The following ZNF425 variants were observed in gnomAD, a reference collection of about 807,000 sequenced individuals.
ZNF425 encodes the protein zinc finger protein 425.
Under a neutral mutation model 17.0 loss-of-function variants are expected in ZNF425, and 21 were observed. That is an observed-to-expected ratio of 1.23 (90% CI 0.88 to 1.78). The LOEUF (loss-of-function observed/expected upper bound fraction) is 1.78. Among genes scored for constraint, ZNF425 ranks in the 40% most tolerant of loss-of-function variants. The pLI, the probability that ZNF425 is intolerant of heterozygous loss-of-function variation, is 0.00. For synonymous variants in ZNF425, 433 were observed against 384.1 expected, an observed-to-expected ratio of 1.13 and a Z score of -1.49; for missense variants, 868 against 967.3, an observed-to-expected ratio of 0.90 and a Z score of 1.36.
At chr7:149,114,429 G>A (rs961389820) in intron 2 of ZNF425, among the ~76,000 whole-genome samples, 3 of 144,420 alleles carry the variant, frequency 2.1e-5, no homozygotes, top group Admixed American at 1.4e-4. Flanking sequence ...AGGCTGGAGT[G>A]CAGGGCACAG....
At chr7:149,123,639 C>G (rs1826396024) in intron 1 of ZNF425, among the ~76,000 whole-genome samples, 1 of 152,088 alleles carries the variant, frequency 6.6e-6, no homozygotes. Flanking sequence ...TCAAGAGATT[C>G]TTCTGTCTCA....
chr7:149,109,081 C>CT (rs774851748), intron 3 of ZNF425, among the ~76,000 whole-genome samples: 9,485 of 138,728 alleles, frequency 0.068, 705 homozygotes, highest in African/African-American at 0.18. Flanking sequence ...TTTTTTCTTT[C>CT]TTTTTTTTTT....
At chr7:149,117,476 T>C (rs1441926374) in intron 2 of ZNF425, among the ~76,000 whole-genome samples, 1 of 152,040 alleles carries the variant, frequency 6.6e-6, no homozygotes, top group Non-Finnish European at 1.5e-5. Flanking sequence ...TCCCAGCTTA[T>C]TCTCACTTAA....
chr7:149,118,995 C>A (rs1468246082), intron 1 of ZNF425, among the ~76,000 whole-genome samples: 2 of 151,998 alleles, frequency 1.3e-5, no homozygotes, highest in East Asian at 3.9e-4. Context: ...TATACATTCA[C>A]AAGATGTTGT....
chr7:149,113,775 T>C (rs1826211396), intron 2 of ZNF425, among the ~76,000 whole-genome samples: 1 of 151,346 alleles, frequency 6.6e-6, no homozygotes, highest in Non-Finnish European at 1.5e-5. Flanking sequence ...ATGGTCTCAA[T>C]CTCCTGACCT....
rs138129551 is a variant in ZNF425 at position 149,104,534 on chromosome 7, T to G, written c.1337A>C (p.Glu446Ala). 6.8e-6 allele frequency: 11 copies of G among 1,609,816 alleles called. No individual in the cohort carries two copies. Among genetic ancestry groups the G allele is most frequent in the Admixed American group, 5.0e-5 (3 of 59,412 alleles). Residue 446 changes from glutamate (E) to alanine (A), a missense_variant, in exon 4 of 4, where the codon GAG (glutamate) becomes GCG (alanine). Physicochemically the swap from Glu to Ala is moderately radical, Grantham distance 107. Around this residue, in one of 5 missense-constraint regions of ZNF425, gnomAD observed 437 missense variants for 444.2 expected, o/e 0.98. Transcript: ENST00000378061. This position sits in a 1 kb window ranked among gnomAD's most constrained non-coding sequence, Gnocchi z 4.3. Reference sequence around the variant, plus strand: ...CCTCCAGAAGAAGCCCCTGCTGCACTCCGGGCACTGGAAGGGCCGCTTCCC... The same window carrying G: ...CCTCCAGAAGAAGCCCCTGCTGCACGCCGGGCACTGGAAGGGCCGCTTCCC... ...HIGKRPFQCP[E>A]CSRGFFWRNA...
chr7:149,121,874 AAT>A (rs1826360404), intron 1 of ZNF425, among the ~76,000 whole-genome samples: 1 of 151,944 alleles, frequency 6.6e-6, no homozygotes, highest in Non-Finnish European at 1.5e-5. Flanking sequence ...TTCCCATGAA[AAT>A]ATTCTCTTTG....
In ZNF425 at chr7:149,103,534, T is replaced by C; in HGVS notation, c.*78A>G. 1.3e-6 allele frequency: 2 copies of C among 1,500,180 alleles called. No homozygotes were observed. The highest frequency in any genetic ancestry group is 1.8e-6 in the Non-Finnish European group (2 of 1,129,700). The allele number at this position is 1,500,180 out of a possible 1,614,324, so 92.9% of individuals were successfully genotyped here. A position where few individuals can be genotyped will look rare whatever the true frequency, so the allele number is the denominator to read the frequency against. ...TGCCCGATCTTACCCTGTGAATCCT[T>C]CAACCTGCCTCAACTTGAGCCAACA... is the stretch of plus-strand genomic sequence containing the variant. On this transcript the variant is annotated 3_prime_UTR_variant, in exon 4 of 4. Coordinates refer to ENST00000378061, the MANE Select transcript of ZNF425 (RefSeq NM_001001661.3).
chr7:149,112,095 G>A, intron 3 of ZNF425, 42 bp downstream of exon 3: 1 of 1,584,570 alleles, frequency 6.3e-7, no homozygotes. Context: ...AACAAGGCTA[G>A]GAAAATAAAA....
rs151128388 is a variant in ZNF425 at position 149,126,196 on chromosome 7, C to G, written c.18G>C (p.Ser6=). ...TGCATCCTCCACCGGCCCTTCTTAC[C>G]GAAGCCGGCTCGGCCATGGCGGTTC... MAEPA[S]VTVTFDDVAL... Residue 6 remains serine, a splice_region_variant and synonymous_variant, in exon 1 of 4, where the codon TCG becomes TCC. Coordinates refer to ENST00000378061, the MANE Select transcript of ZNF425 (RefSeq NM_001001661.3). 274 of 1,613,010 alleles carry G rather than the reference C, an allele frequency of 1.7e-4. 1 individual carries two copies. In the Middle Eastern group the frequency reaches 2.1e-3, roughly 13 times the overall value.
In ZNF425 at chr7:149,126,225, A is replaced by C; in HGVS notation, c.-12T>G. 6.2e-7 allele frequency: 1 copy of C among 1,610,768 alleles called. No homozygotes were observed. The highest frequency in any genetic ancestry group is 8.5e-7 in the Non-Finnish European group (1 of 1,178,982). On this transcript the variant is annotated 5_prime_UTR_variant, in exon 1 of 4. Coordinates refer to ENST00000378061, the MANE Select transcript of ZNF425 (RefSeq NM_001001661.3). Reference sequence around the variant, plus strand: ...GCCGGCTCGGCCATGGCGGTTCCGCACGAACCGGCCCTGCCTGGCACGGCC... The same window carrying C: ...GCCGGCTCGGCCATGGCGGTTCCGCCCGAACCGGCCCTGCCTGGCACGGCC...
At position 149,126,295 on chromosome 7, in the gene ZNF425, T is replaced by C. The variant is rs915571887; in HGVS notation, c.-82A>G. 71 of 1,545,164 alleles carry C rather than the reference T, an allele frequency of 4.6e-5. No homozygotes were observed. In the Admixed American group the frequency reaches 1.2e-3, roughly 27 times the overall value. ...ACCCAACTCCCAGGTACAGCCCTGC[T>C]GGCCCCCAAAGGCAGAGCCGGCCGG... is the stretch of plus-strand genomic sequence containing the variant. On this transcript the variant is annotated 5_prime_UTR_variant, in exon 1 of 4. Transcript: ENST00000378061.
intron 1 of ZNF425, among the ~76,000 whole-genome samples, chr7:149,123,154 T>C (rs1207868749): frequency 6.6e-6 from 1 of 152,240 alleles, no homozygotes; most frequent in African/African-American, 2.4e-5. Flanking sequence ...ACCTCTAGTA[T>C]GGACTGAACT....
rs769320015 is a variant in ZNF425 at position 149,103,954 on chromosome 7, A to G, written c.1917T>C (p.Ser639=). 3 of 1,613,930 alleles carry G rather than the reference A, an allele frequency of 1.9e-6. No homozygotes were observed. In the Admixed American group the frequency reaches 5.0e-5, roughly 27 times the overall value. The stretch of plus-strand genomic sequence containing the variant: ...TGAAACTTTTGCCGCACATCACACA[A>G]GAGAATGGCTTTTGGCCACTGTGCT... ...LLQHSGQKPF[S]CVMCGKSFTQ... The change falls in exon 4 of 4, where the codon TCT becomes TCC. Residue 639 remains serine (S), a synonymous_variant. Transcript: ENST00000378061.
chr7:149,105,843 G>C (rs113931941), intron 3 of ZNF425, among the ~76,000 whole-genome samples: 6,719 of 151,696 alleles, frequency 0.044, 506 homozygotes, highest in African/African-American at 0.15. Flanking sequence ...GTAGAGACGG[G>C]GTTTCACCAT....
At chr7:149,111,399 G>A (rs187024732) in intron 3 of ZNF425, among the ~76,000 whole-genome samples, 156 of 151,376 alleles carry the variant, frequency 1.0e-3, no homozygotes, top group African/African-American at 3.6e-3. Context: ...AGACCAGCCT[G>A]GCCAATATGG....
chr7:149,114,997 T>C (rs114431539), intron 2 of ZNF425, among the ~76,000 whole-genome samples: 6,617 of 145,976 alleles, frequency 0.045, 509 homozygotes, highest in African/African-American at 0.16. Context: ...TGCAGAGTTG[T>C]GATCTTGGCT....
At chr7:149,110,897 C>T (rs1049119861) in intron 3 of ZNF425, among the ~76,000 whole-genome samples, 1 of 151,234 alleles carries the variant, frequency 6.6e-6, no homozygotes, top group Non-Finnish European at 1.5e-5. Flanking sequence ...TGCATTCCAG[C>T]AATTCTCCTG....
At chr7:149,111,330 G>A (rs947747903) in intron 3 of ZNF425, among the ~76,000 whole-genome samples, 1 of 151,340 alleles carries the variant, frequency 6.6e-6, no homozygotes, top group African/African-American at 2.4e-5. Flanking sequence ...GGTGGCTCAT[G>A]CCTGTAATCC....
Sources: allele counts gnomAD v4.1 joint callset (sites outside exome capture counted in the v4.1 genomes callset), GRCh38; gene constraint gnomAD v4.1.1; regional missense constraint gnomAD v4.1.1; non-coding constraint Gnocchi (gnomAD v3.1); transcripts MANE v1.5; gene names NCBI Gene and HGNC (gene_info 2026-07-23, HGNC 2026-07-21).